The following MAP2K3 variants were observed in gnomAD, a reference collection of about 807,000 sequenced individuals.
The protein encoded by MAP2K3 is dual specificity mitogen-activated protein kinase kinase 3.
A neutral mutation model predicts 46.4 loss-of-function variants in MAP2K3; 30 were observed. That is an observed-to-expected ratio of 0.65 (90% confidence interval 0.48 to 0.88). The LOEUF is 0.88. MAP2K3 is among the 40% of genes least tolerant of loss of function. The pLI is 0.00. For synonymous variants in MAP2K3, 189 were observed against 176.3 expected, an observed-to-expected ratio of 1.07 and a Z score of -0.57; for missense variants, 380 against 464.5, an observed-to-expected ratio of 0.82 and a Z score of 1.67.
chr17:21,288,663 G>C (rs975422773), intron 1 of MAP2K3, among the ~76,000 whole-genome samples: 1 of 152,266 alleles, frequency 6.6e-6, no homozygotes, highest in Admixed American at 6.5e-5. Context: ...CCAGCTCTCA[G>C]AGGAGAAGCT....
At position 21,314,136 on chromosome 17, in the gene MAP2K3, G is replaced by A; in HGVS notation, c.961-11G>A. 2 of 1,611,486 alleles carry A rather than the reference G, an allele frequency of 1.2e-6. No individual in the cohort carries two copies. The highest frequency in any genetic ancestry group is 1.7e-6 in the Non-Finnish European group (2 of 1,177,722). The stretch of plus-strand genomic sequence containing the variant: ...CCCCTCCATGGTGACTGTGCCTTCT[G>A]TCACCCCCAGGAGCACCCCTTCTTC... On this transcript the variant is annotated splice_polypyrimidine_tract_variant and intron_variant, in intron 11 of 11. Coordinates refer to ENST00000342679, the MANE Select transcript of MAP2K3 (RefSeq NM_145109.3).
At chr17:21,298,824 C>A in intron 2 of MAP2K3, 54 bp from the exon 3 acceptor site, 1 of 1,613,522 alleles carries the variant, frequency 6.2e-7, no homozygotes, top group Non-Finnish European at 8.5e-7. Flanking sequence ...TACTGCTGCA[C>A]TTGGGGAAGG....
At chr17:21,295,707 C>A in intron 1 of MAP2K3, 1 of 1,289,526 alleles carries the variant, frequency 7.8e-7, no homozygotes, top group Non-Finnish European at 1.0e-6. Context: ...CCATATACCA[C>A]CCAGGCCTGC....
intron 3 of MAP2K3, 147 bp downstream of exon 3, chr17:21,299,073 C>T: frequency 8.6e-7 from 1 of 1,160,494 alleles, no homozygotes; most frequent in Non-Finnish European, 1.2e-6. Context: ...GCGCTGCTGG[C>T]TGTGTGGCCC....
chr17:21,294,139 G>C (rs4999371), intron 1 of MAP2K3, among the ~76,000 whole-genome samples: 2 of 152,178 alleles, frequency 1.3e-5, no homozygotes, highest in African/African-American at 2.4e-5. Flanking sequence ...GCCATGGAGC[G>C]CATTGGCCTT....
chr17:21,302,026 G>C, intron 5 of MAP2K3, 117 bp from the exon 6 acceptor site: 1 of 987,918 alleles, frequency 1.0e-6, no homozygotes, highest in South Asian at 1.4e-5. Flanking sequence ...GTGGCTGAGT[G>C]GGTGGGCACA....
At chr17:21,296,299 T>G in intron 1 of MAP2K3, 3 of 829,192 alleles carry the variant, frequency 3.6e-6, no homozygotes, top group Non-Finnish European at 3.5e-6. Flanking sequence ...AGAGCTGGAG[T>G]TTACCACGGC....
At chr17:21,296,304 C>T in intron 1 of MAP2K3, 3 of 793,474 alleles carry the variant, frequency 3.8e-6, no homozygotes, top group Non-Finnish European at 5.5e-6. Context: ...TGGAGTTTAC[C>T]ACGGCTGCGC....
chr17:21,301,405 G>A (rs1976592601), intron 5 of MAP2K3, among the ~76,000 whole-genome samples: 1 of 152,312 alleles, frequency 6.6e-6, no homozygotes, highest in Non-Finnish European at 1.5e-5. Flanking sequence ...GATGGGGTGT[G>A]TGCTGAGAGA....
rs1338200960 is a variant in MAP2K3 at position 21,301,991 on chromosome 17, G to A, written c.400-152G>A. On this transcript the variant is annotated intron_variant, in intron 5 of 11. Coordinates refer to ENST00000342679, the MANE Select transcript of MAP2K3 (RefSeq NM_145109.3). ...GAGGGTGGGGGAAGCGGGCAAGTGG[G>A]TGGTGGGTGGGAGCCCGGTGAACTG... is the stretch of plus-strand genomic sequence containing the variant. The A allele has an allele frequency of 5.3e-6, 4 of 758,304 alleles. No homozygotes were observed. In the Admixed American group the frequency reaches 6.2e-5, roughly 12 times the overall value. 47.0% of individuals were successfully genotyped at this position (758,304 alleles called of 1,614,324 possible).
rs751670169 is a variant in MAP2K3 at position 21,314,140 on chromosome 17, C to T, written c.961-7C>T. 1 of 1,612,104 alleles carries T rather than the reference C, an allele frequency of 6.2e-7. No homozygotes were observed. Among genetic ancestry groups the T allele is most frequent in the Non-Finnish European group, 8.5e-7 (1 of 1,178,286 alleles). Reference sequence around the variant, plus strand: ...TCCATGGTGACTGTGCCTTCTGTCACCCCCAGGAGCACCCCTTCTTCACCT... The same window carrying T: ...TCCATGGTGACTGTGCCTTCTGTCATCCCCAGGAGCACCCCTTCTTCACCT... On this transcript the variant is annotated splice_polypyrimidine_tract_variant and splice_region_variant and intron_variant, in intron 11 of 11. Coordinates refer to ENST00000342679, the MANE Select transcript of MAP2K3 (RefSeq NM_145109.3).
chr17:21,300,543 A>T lies in MAP2K3; in HGVS notation c.166-2A>T. The T allele has an allele frequency of 6.2e-7, 1 of 1,606,896 alleles. No individual in the cohort carries two copies. The highest frequency in any genetic ancestry group is 1.7e-5 in the Admixed American group (1 of 58,740). On this transcript the variant is annotated splice_acceptor_variant, in intron 3 of 11. Coordinates refer to ENST00000342679, the MANE Select transcript of MAP2K3 (RefSeq NM_145109.3). LOFTEE classifies it high-confidence loss of function. ...CACTGACTCTCTTTTCCATCCTTCA[A>T]GAACTTTGAGGTGGAGGCTGATGAC...
At chr17:21,300,480 C>T in intron 3 of MAP2K3, 65 bp from the exon 4 acceptor site, 1 of 1,520,540 alleles carries the variant, frequency 6.6e-7, no homozygotes, top group South Asian at 1.2e-5. Flanking sequence ...GGTATCTCCA[C>T]TGGGCATGGG....
chr17:21,288,191 G>A (rs930162357), intron 1 of MAP2K3: 18 of 958,220 alleles, frequency 1.9e-5, no homozygotes, highest in Non-Finnish European at 2.6e-5. Context: ...TGGGTGGGGA[G>A]GGGGTTACGT....
intron 3 of MAP2K3, among the ~76,000 whole-genome samples, chr17:21,299,698 AAG>A (rs1976481528): frequency 4.8e-5 from 1 of 20,626 alleles, no homozygotes; most frequent in African/African-American, 1.9e-4. Context: ...AAAAAAAAAA[AAG>A]AGCTGGGCAC....
At chr17:21,304,583 G>A in intron 8 of MAP2K3, 30 bp downstream of exon 8, 1 of 1,614,090 alleles carries the variant, frequency 6.2e-7, no homozygotes, top group Non-Finnish European at 8.5e-7. Context: ...CCCAGGCTCA[G>A]GAGAGGATGG....
chr17:21,313,679 A>G, intron 11 of MAP2K3, 142 bp downstream of exon 11: 1 of 706,162 alleles, frequency 1.4e-6, no homozygotes, highest in South Asian at 1.7e-5. Context: ...GTGCTCGGTC[A>G]TTTGTTTGCT....
Position 21,302,130 on chromosome 17 carries a change from G to GT in MAP2K3, c.400-12dup, listed in dbSNP as rs1808263459. 6.2e-7 allele frequency: 1 copy of GT among 1,613,806 alleles called. No homozygotes were observed. Among genetic ancestry groups the GT allele is most frequent in the Admixed American group, 1.7e-5 (1 of 60,004 alleles). ...GCCCGGCAGCCTGGCTGAGCTCTGG[G>GT]TGTCACCCACAGGGAGACGTGTGGA... On this transcript the variant is annotated splice_polypyrimidine_tract_variant and intron_variant, in intron 5 of 11. Coordinates refer to ENST00000342679, the MANE Select transcript of MAP2K3 (RefSeq NM_145109.3).
intron 3 of MAP2K3, 54 bp from the exon 4 acceptor site, chr17:21,300,491 G>A (rs1052350209): frequency 1.2e-4 from 191 of 1,547,912 alleles, no homozygotes; most frequent in Non-Finnish European, 1.5e-4. Flanking sequence ...TGGGCATGGG[G>A]TGAGGACTGG....
Sources: allele counts gnomAD v4.1 joint callset (sites outside exome capture counted in the v4.1 genomes callset), GRCh38; gene constraint gnomAD v4.1.1; transcripts MANE v1.5; gene names NCBI Gene and HGNC (gene_info 2026-07-23, HGNC 2026-07-21).